OTOGL: variants seen among roughly 807,000 people sequenced by gnomAD.
The protein encoded by OTOGL is otogelin-like protein.
In OTOGL, 285 loss-of-function variants were observed where a neutral mutation model predicts 318.5. The ratio of observed to expected loss-of-function variants is 0.89; its 90% CI spans 0.81 to 0.99. OTOGL has a LOEUF of 0.99. OTOGL is among the 50% of genes least tolerant of loss of function. The probability of loss-of-function intolerance (pLI) is 0.00; values close to 1 mark genes in which losing one functional copy is unlikely to be tolerated. For synonymous variants in OTOGL, 987 were observed against 936.5 expected, an observed-to-expected ratio of 1.05 and a Z score of -0.99; for missense variants, 2,899 against 2,845.6, an observed-to-expected ratio of 1.02 and a Z score of -0.43.
intron 5 of OTOGL, among the ~76,000 whole-genome samples, chr12:80,217,997 A>T (rs1320459101): frequency 1.3e-5 from 2 of 152,170 alleles, no homozygotes; most frequent in Non-Finnish European, 2.9e-5. Flanking sequence ...CAGAATGCTG[A>T]TGGTAGTTTG....
intron 35 of OTOGL, among the ~76,000 whole-genome samples, chr12:80,324,156 G>A (rs764070385): frequency 1.3e-4 from 20 of 152,100 alleles, no homozygotes; most frequent in Admixed American, 2.0e-4. Flanking sequence ...TTGTTATGGC[G>A]GATATGTGTT....
At chr12:80,176,369 C>T (rs183683601) in intron 1 of OTOGL, among the ~76,000 whole-genome samples, 18 of 152,204 alleles carry the variant, frequency 1.2e-4, no homozygotes, top group Non-Finnish European at 1.9e-4. Context: ...CATATGTTTC[C>T]TTGTGTCTCT....
intron 28 of OTOGL, among the ~76,000 whole-genome samples, chr12:80,304,417 A>G (rs920286885): frequency 3.3e-5 from 5 of 152,152 alleles, no homozygotes; most frequent in Non-Finnish European, 7.4e-5. Flanking sequence ...GTATTTTTTT[A>G]AAATTTAGTT....
chr12:80,307,685 C>A (rs1363861710), intron 29 of OTOGL, among the ~76,000 whole-genome samples: 1 of 143,288 alleles, frequency 7.0e-6, no homozygotes, highest in South Asian at 2.3e-4. Flanking sequence ...CCAGTAGGGG[C>A]GGCCAGGCAG....
At chr12:80,322,979 T>C (rs769451784) in intron 34 of OTOGL, among the ~76,000 whole-genome samples, 4 of 152,094 alleles carry the variant, frequency 2.6e-5, no homozygotes, top group Admixed American at 6.6e-5. Flanking sequence ...AGAAATAATA[T>C]CTACTTAATA....
chr12:80,172,856 G>A (rs1349623478), intron 1 of OTOGL, among the ~76,000 whole-genome samples: 1 of 152,124 alleles, frequency 6.6e-6, no homozygotes, highest in Non-Finnish European at 1.5e-5. Flanking sequence ...AACACTGCAT[G>A]TTCTCACTTA....
intron 1 of OTOGL, among the ~76,000 whole-genome samples, chr12:80,206,559 G>T (rs1876822580): frequency 6.6e-6 from 1 of 152,060 alleles, no homozygotes; most frequent in South Asian, 2.1e-4. Context: ...TGCCAGGCTG[G>T]AGTGCAGTGG....
rs1483232150 is a variant in OTOGL, at chr12:80,229,304, G to A, written c.537G>A (p.Arg179=). 1.3e-6 allele frequency: 2 copies of A among 1,596,620 alleles called. No individual in the cohort carries two copies. Among genetic ancestry groups the A allele is most frequent in the East Asian group, 4.5e-5 (2 of 44,830 alleles). ...KCLGSVYSCY[R]SISLFFSNQE... is the part of the protein sequence containing the mutation. ...TTGGTTCGGTGTATTCTTGTTATCG[G>A]TCAATCAGCTTGTTCTTTTCAAACC... is the stretch of plus-strand genomic sequence containing the variant. Residue 179 remains arginine, a synonymous_variant, in exon 8 of 59, where the codon CGG becomes CGA. Transcript: ENST00000547103.
chr12:80,222,300 T>C (rs539459217), intron 7 of OTOGL, 55 bp downstream of exon 7: 40 of 1,441,302 alleles, frequency 2.8e-5, no homozygotes, highest in Non-Finnish European at 3.3e-5. Flanking sequence ...GAAAAGTATG[T>C]ATTTTTAAAG....
At chr12:80,367,248 T>G (rs1470882453) in intron 53 of OTOGL, among the ~76,000 whole-genome samples, 1 of 151,956 alleles carries the variant, frequency 6.6e-6, no homozygotes, top group East Asian at 1.9e-4. Flanking sequence ...GTACTGGGAT[T>G]ATAGGCATGA....
chr12:80,179,819 T>C (rs1408589543), intron 1 of OTOGL, among the ~76,000 whole-genome samples: 1 of 152,216 alleles, frequency 6.6e-6, no homozygotes, highest in Non-Finnish European at 1.5e-5. Flanking sequence ...TGAGCATCCA[T>C]CATGTATTGG....
chr12:80,333,166 C>A, intron 38 of OTOGL, 88 bp downstream of exon 38: 1 of 1,196,254 alleles, frequency 8.4e-7, no homozygotes, highest in Non-Finnish European at 1.2e-6. Context: ...TGCTACTAAA[C>A]TTTTTTTGAT....
chr12:80,114,291 C>A (rs1012662010), intron 1 of OTOGL, among the ~76,000 whole-genome samples: 1 of 151,978 alleles, frequency 6.6e-6, no homozygotes, highest in African/African-American at 2.4e-5. Context: ...TTCAGGAGCT[C>A]TTGTTAGGCA....
rs1565935233 is a variant in OTOGL at position 80,257,846 on chromosome 12, T to C, written c.1733T>C (p.Leu578Pro). ...GCAGGTATTGTTGAAATTCAAACTC[T>C]GTCATCCTTATTTATACTTCTAAAA... ...NLNGIVEIQTLSSLFILLKTT... is the reference protein window; with the variant it reads ...NLNGIVEIQTPSSLFILLKTT... The change falls in exon 18 of 59, where the codon CTG (leucine) becomes CCG (proline). Residue 578 changes from leucine (L) to proline (P), a missense_variant. By Grantham distance (98) the Leu-to-Pro change is moderately conservative. Around this residue, in one of 3 missense-constraint regions of OTOGL, gnomAD observed 2,607 missense variants for 2,524.9 expected, o/e 1.03. Transcript: ENST00000547103. 1 of 1,581,678 alleles carries C rather than the reference T, an allele frequency of 6.3e-7. No homozygotes were observed. The highest frequency in any genetic ancestry group is 1.3e-5 in the African/African-American group (1 of 74,128).
chr12:80,153,685 A>G (rs116465965), intron 1 of OTOGL, among the ~76,000 whole-genome samples: 1 of 152,106 alleles, frequency 6.6e-6, no homozygotes, highest in Non-Finnish European at 1.5e-5. Flanking sequence ...TGCCCTAAAA[A>G]TCCTCTGTGC....
chr12:80,271,561 A>G, intron 23 of OTOGL, 87 bp from the exon 24 acceptor site: 1 of 1,285,060 alleles, frequency 7.8e-7, no homozygotes, highest in Non-Finnish European at 1.1e-6. Context: ...TAGGTTTAGA[A>G]TAAACCTATT....
At chr12:80,165,085 C>T (rs1017642063) in intron 1 of OTOGL, among the ~76,000 whole-genome samples, 2 of 152,158 alleles carry the variant, frequency 1.3e-5, no homozygotes, top group East Asian at 1.9e-4. Context: ...CTCATGATAG[C>T]GCTTTCTCCC....
chr12:80,139,023 C>T (rs186862315), intron 1 of OTOGL, among the ~76,000 whole-genome samples: 19 of 152,278 alleles, frequency 1.2e-4, no homozygotes, highest in African/African-American at 4.1e-4. Flanking sequence ...ACGTATCCCA[C>T]ACTCCCTTAT....
rs151207099 is a variant in OTOGL at position 80,294,708 on chromosome 12, G to T, written c.2929-2119G>T. On this transcript the variant is annotated intron_variant, in intron 26 of 58. Transcript: ENST00000547103. ...ATAATACTTATTAACAAGGCAGAAAGAATTTAGCCAAAGTAAGAGATGAAA... is the reference window on the plus strand; with the variant it reads ...ATAATACTTATTAACAAGGCAGAAATAATTTAGCCAAAGTAAGAGATGAAA... Among the ~76,000 whole-genome samples the T allele has an allele frequency of 3.3e-5, 5 of 152,254 alleles. No individual in the cohort carries two copies. The East Asian group carries it at 9.6e-4, about 29-fold the overall frequency.
Sources: allele counts gnomAD v4.1 joint callset (sites outside exome capture counted in the v4.1 genomes callset), GRCh38; gene constraint gnomAD v4.1.1; regional missense constraint gnomAD v4.1.1; transcripts MANE v1.5; gene names NCBI Gene and HGNC (gene_info 2026-07-23, HGNC 2026-07-21).